The following ELF2 variants were observed in gnomAD, a reference collection of about 807,000 sequenced individuals.
ELF2 encodes the protein ETS-related transcription factor Elf-2.
A neutral mutation model predicts 54.8 loss-of-function variants in ELF2; 11 were observed. The observed-to-expected ratio is 0.20, with a 90% CI of 0.13 to 0.33. The LOEUF (loss-of-function observed/expected upper bound fraction) is 0.33, where lower values mean the gene tolerates loss of function less well. Among genes scored for constraint, ELF2 ranks in the 10% least tolerant of loss-of-function variants. The pLI is 1.00. For missense variants in ELF2, 513 were observed against 703.0 expected (o/e 0.73, Z 3.06); for synonymous variants, 203 against 245.1 (o/e 0.83, Z 1.61).
intron 4 of ELF2, among the ~76,000 whole-genome samples, chr4:139,080,954 A>C (rs1731026213): frequency 6.6e-6 from 1 of 151,836 alleles, no homozygotes; most frequent in Non-Finnish European, 1.5e-5. Flanking sequence ...AAAAAAAAAA[A>C]AAAACCCAAG....
chr4:139,176,251 T>C (rs1742904472), intron 1 of ELF2, among the ~76,000 whole-genome samples: 1 of 152,050 alleles, frequency 6.6e-6, no homozygotes, highest in African/African-American at 2.4e-5. Context: ...TCCCGGGGAA[T>C]AGGGGGAGAT....
At chr4:139,142,264 G>A (rs1440586293) in intron 1 of ELF2, among the ~76,000 whole-genome samples, 2 of 152,176 alleles carry the variant, frequency 1.3e-5, no homozygotes, top group African/African-American at 2.4e-5. Context: ...CCCAAAAGTA[G>A]AAGTGAGTTG....
At chr4:139,084,423 GGGC>G in intron 4 of ELF2, 1 of 1,278,818 alleles carries the variant, frequency 7.8e-7, no homozygotes, top group Non-Finnish European at 9.9e-7. Flanking sequence ...GCAGGGGCAG[GGGC>G]GGCAGGGGCA....
At chr4:139,063,012 T>TCC (rs1728111838) in intron 7 of ELF2, among the ~76,000 whole-genome samples, 1 of 152,168 alleles carries the variant, frequency 6.6e-6, no homozygotes, top group Non-Finnish European at 1.5e-5. Context: ...TCCCAGCACT[T>TCC]TGGGAGGCCA....
intron 4 of ELF2, among the ~76,000 whole-genome samples, chr4:139,124,523 TTATG>T (rs1398606487): frequency 6.6e-6 from 1 of 150,910 alleles, no homozygotes; most frequent in Non-Finnish European, 1.5e-5. Flanking sequence ...ATGTTTATTA[TTATG>T]TAAGAGTCAC....
intron 3 of ELF2, among the ~76,000 whole-genome samples, chr4:139,131,706 C>G (rs1168749215): frequency 1.3e-5 from 2 of 151,946 alleles, no homozygotes; most frequent in Non-Finnish European, 2.9e-5. Flanking sequence ...AGAAACCACT[C>G]CAAATAAATA....
intron 1 of ELF2, among the ~76,000 whole-genome samples, chr4:139,142,689 G>A (rs911218700): frequency 2.0e-5 from 3 of 150,626 alleles, no homozygotes; most frequent in African/African-American, 7.3e-5. Context: ...GAGATGAGAA[G>A]TGATACAGGC....
intron 5 of ELF2, among the ~76,000 whole-genome samples, chr4:139,072,963 G>A (rs993045266): frequency 6.6e-6 from 1 of 152,070 alleles, no homozygotes; most frequent in African/African-American, 2.4e-5. Flanking sequence ...GACTATCAAA[G>A]TTTTTCTTAA....
At chr4:139,105,231 A>C (rs1488627144) in intron 4 of ELF2, among the ~76,000 whole-genome samples, 8 of 152,218 alleles carry the variant, frequency 5.3e-5, no homozygotes, top group African/African-American at 1.9e-4. Flanking sequence ...ATTTCAAGTT[A>C]TATAATTTGA....
At chr4:139,113,149 G>A (rs1735152910) in intron 4 of ELF2, among the ~76,000 whole-genome samples, 1 of 151,870 alleles carries the variant, frequency 6.6e-6, no homozygotes, top group Non-Finnish European at 1.5e-5. Flanking sequence ...CTTGAGCCCA[G>A]TAGTATGAGA....
intron 1 of ELF2, among the ~76,000 whole-genome samples, chr4:139,164,134 G>T (rs1741469100): frequency 7.0e-6 from 1 of 143,536 alleles, no homozygotes; most frequent in Non-Finnish European, 1.5e-5. Context: ...GAGAGAAAGA[G>T]AAAGAAGAGA....
At chr4:139,115,560 A>C (rs1735623548) in intron 4 of ELF2, among the ~76,000 whole-genome samples, 1 of 151,676 alleles carries the variant, frequency 6.6e-6, no homozygotes, top group African/African-American at 2.4e-5. Context: ...TTTCTATACC[A>C]CAACTCACCT....
At chr4:139,080,421 A>G (rs1267883288) in intron 4 of ELF2, among the ~76,000 whole-genome samples, 2 of 152,112 alleles carry the variant, frequency 1.3e-5, no homozygotes, top group Admixed American at 1.3e-4. Context: ...TTGAGACTAC[A>G]TATTCCAATT....
intron 4 of ELF2, among the ~76,000 whole-genome samples, chr4:139,119,403 G>A (rs904847367): frequency 6.6e-6 from 1 of 152,102 alleles, no homozygotes; most frequent in Non-Finnish European, 1.5e-5. Flanking sequence ...CTTCATCAAC[G>A]GGATTCCTAT....
At chr4:139,083,316 C>A (rs1166918281) in intron 4 of ELF2, among the ~76,000 whole-genome samples, 1 of 152,156 alleles carries the variant, frequency 6.6e-6, no homozygotes, top group Non-Finnish European at 1.5e-5. Flanking sequence ...CGCCGCAACC[C>A]TCCAGGTCAG....
At chr4:139,166,240 T>G (rs1741708114) in intron 1 of ELF2, among the ~76,000 whole-genome samples, 1 of 152,058 alleles carries the variant, frequency 6.6e-6, no homozygotes, top group African/African-American at 2.4e-5. Flanking sequence ...ATACAAAAAT[T>G]AGCCAAGGTA....
At chr4:139,121,735 C>G (rs1368284958) in intron 4 of ELF2, among the ~76,000 whole-genome samples, 1 of 152,102 alleles carries the variant, frequency 6.6e-6, no homozygotes, top group East Asian at 1.9e-4. Flanking sequence ...TCCTCAAAGT[C>G]TCTTTATAAT....
chr4:139,135,635 T>A (rs1022126633), intron 3 of ELF2, among the ~76,000 whole-genome samples: 1 of 152,146 alleles, frequency 6.6e-6, no homozygotes, highest in Non-Finnish European at 1.5e-5. Flanking sequence ...AGTGGTGAAT[T>A]AATATTAGTC....
chr4:139,166,198 T>G (rs1266901056), intron 1 of ELF2, among the ~76,000 whole-genome samples: 3 of 152,094 alleles, frequency 2.0e-5, no homozygotes, highest in Non-Finnish European at 2.9e-5. Flanking sequence ...TCTCTGGTCT[T>G]TACTAATTTT....
Sources: gnomAD v4.1 joint callset for allele counts (sites outside exome capture counted in the v4.1 genomes callset) on GRCh38, gnomAD v4.1.1 for gene constraint, MANE v1.5 for transcripts, NCBI Gene and HGNC (gene_info 2026-07-23, HGNC 2026-07-21) for gene names.